CACNB2: variants seen among roughly 807,000 people sequenced by gnomAD.
The protein encoded by CACNB2 is calcium voltage-gated channel auxiliary subunit beta 2.
A neutral mutation model predicts 73.3 loss-of-function variants in CACNB2; 42 were observed. The observed-to-expected ratio is 0.57, with a 90% confidence interval of 0.45 to 0.74. The LOEUF (loss-of-function observed/expected upper bound fraction) is 0.74, where lower values mean the gene tolerates loss of function less well. Ranked by LOEUF, CACNB2 falls within the 30% of genes least tolerant of loss-of-function variation. The pLI is 0.00. For missense variants in CACNB2, 940 were observed against 853.0 expected, an observed-to-expected ratio of 1.10 and a Z score of -1.27; for synonymous variants, 348 against 310.3, an observed-to-expected ratio of 1.12 and a Z score of -1.28.
chr10:18,293,834 A>T (rs920253540), intron 2 of CACNB2, among the ~76,000 whole-genome samples: 3 of 152,210 alleles, frequency 2.0e-5, no homozygotes, highest in Non-Finnish European at 4.4e-5. Context: ...ATTCATGTTA[A>T]TGACTATGAT....
At chr10:18,259,044 A>G (rs2037409668) in intron 2 of CACNB2, among the ~76,000 whole-genome samples, 1 of 152,180 alleles carries the variant, frequency 6.6e-6, no homozygotes. Context: ...CAAATCCACA[A>G]AGGTTTAACT....
At chr10:18,159,994 A>G (rs2032340242) in intron 2 of CACNB2, among the ~76,000 whole-genome samples, 1 of 152,192 alleles carries the variant, frequency 6.6e-6, no homozygotes, top group East Asian at 1.9e-4. Context: ...GTATAAAAAT[A>G]TTGACCTTTT....
At chr10:18,407,109 C>CTTTTTTTTTT (rs71507267) in intron 3 of CACNB2, among the ~76,000 whole-genome samples, 728 of 35,618 alleles carry the variant, frequency 0.02, 236 homozygotes, top group Non-Finnish European at 0.024. Context: ...GCTGTTCTGT[C>CTTTTTTTTTT]TTTTTTTTTT....
intron 2 of CACNB2, among the ~76,000 whole-genome samples, chr10:18,264,621 A>G (rs1184579259): frequency 6.6e-6 from 1 of 152,022 alleles, no homozygotes; most frequent in Non-Finnish European, 1.5e-5. Flanking sequence ...AACAGCATGT[A>G]CTCTCCTCTC....
chr10:18,383,387 G>A (rs892874485), intron 2 of CACNB2, among the ~76,000 whole-genome samples: 1 of 152,220 alleles, frequency 6.6e-6, no homozygotes, highest in Non-Finnish European at 1.5e-5. Context: ...TAAGCAGAGA[G>A]ACTAATTACA....
At chr10:18,230,333 C>G (rs1564362193) in intron 2 of CACNB2, among the ~76,000 whole-genome samples, 1 of 152,202 alleles carries the variant, frequency 6.6e-6, no homozygotes, top group East Asian at 1.9e-4. Flanking sequence ...ACCCTCTCTT[C>G]TACAGAAAAC....
At chr10:18,424,350 T>C (rs763795249) in intron 3 of CACNB2, among the ~76,000 whole-genome samples, 4 of 152,208 alleles carry the variant, frequency 2.6e-5, no homozygotes, top group Non-Finnish European at 5.9e-5. Context: ...GCACTTTCAA[T>C]TGCATGCAGA....
chr10:18,452,302 A>T (rs1416993860), intron 3 of CACNB2, among the ~76,000 whole-genome samples: 1 of 152,050 alleles, frequency 6.6e-6, no homozygotes, highest in African/African-American at 2.4e-5. Flanking sequence ...GTGGGGCATG[A>T]CTATAGTCCT....
At chr10:18,492,770 C>T (rs1380679778) in intron 3 of CACNB2, among the ~76,000 whole-genome samples, 3 of 152,088 alleles carry the variant, frequency 2.0e-5, no homozygotes, top group African/African-American at 4.8e-5. Context: ...TAGTTTGTGT[C>T]GTGCATGTGG....
intron 2 of CACNB2, among the ~76,000 whole-genome samples, chr10:18,315,509 A>AC (rs2040136682): frequency 1.7e-5 from 2 of 119,506 alleles, no homozygotes; most frequent in South Asian, 2.6e-4. Flanking sequence ...TAAAAAAAAA[A>AC]AAAAAAAAAA....
chr10:18,242,586 A>G (rs1475136979), intron 2 of CACNB2, among the ~76,000 whole-genome samples: 3 of 151,626 alleles, frequency 2.0e-5, no homozygotes, highest in African/African-American at 7.2e-5. Flanking sequence ...AAAACATCAC[A>G]TAAACAGTTT....
At chr10:18,215,845 T>G (rs1010342029) in intron 2 of CACNB2, among the ~76,000 whole-genome samples, 2 of 152,092 alleles carry the variant, frequency 1.3e-5, no homozygotes, top group African/African-American at 4.8e-5. Flanking sequence ...TGTGGTCTGG[T>G]TTTTCAGTCT....
chr10:18,365,345 C>T (rs190594190), intron 2 of CACNB2, among the ~76,000 whole-genome samples: 37 of 152,254 alleles, frequency 2.4e-4, no homozygotes, highest in Admixed American at 2.4e-3. Flanking sequence ...TTCTTTAAGG[C>T]CTCTTTTTAA....
At chr10:18,405,214 C>G (rs1049759233) in intron 3 of CACNB2, among the ~76,000 whole-genome samples, 2 of 152,160 alleles carry the variant, frequency 1.3e-5, no homozygotes, top group African/African-American at 4.8e-5. Flanking sequence ...TTAGAGCATT[C>G]TCATTGCCCC....
chr10:18,298,395 A>G (rs17682871), intron 2 of CACNB2, among the ~76,000 whole-genome samples: 20,045 of 151,990 alleles, frequency 0.13, 1,624 homozygotes, highest in South Asian at 0.21. Context: ...TAACCTTGAG[A>G]TCACTATATC....
At chr10:18,152,265 A>T (rs2031624614) in intron 2 of CACNB2, among the ~76,000 whole-genome samples, 1 of 152,190 alleles carries the variant, frequency 6.6e-6, no homozygotes, top group Non-Finnish European at 1.5e-5. Flanking sequence ...CTTCCAAGTA[A>T]CTTGGCAACT....
chr10:18,351,782 G>A (rs920167107), intron 2 of CACNB2, among the ~76,000 whole-genome samples: 2 of 152,180 alleles, frequency 1.3e-5, no homozygotes, highest in Non-Finnish European at 2.9e-5. Context: ...TTCTTTGGTT[G>A]TATTGCTTTC....
At chr10:18,217,550 A>T (rs2035562642) in intron 2 of CACNB2, among the ~76,000 whole-genome samples, 3 of 152,050 alleles carry the variant, frequency 2.0e-5, no homozygotes, top group Admixed American at 6.6e-5. Flanking sequence ...TATAAATGTT[A>T]TAGAAAAAAA....
intron 3 of CACNB2, among the ~76,000 whole-genome samples, chr10:18,466,688 T>C (rs1310677632): frequency 1.3e-5 from 2 of 152,184 alleles, no homozygotes; most frequent in Non-Finnish European, 2.9e-5. Context: ...AGATTCACAC[T>C]TTAATGGGAC....
Sources: gnomAD v4.1 joint callset for allele counts (sites outside exome capture counted in the v4.1 genomes callset) on GRCh38, gnomAD v4.1.1 for gene constraint, MANE v1.5 for transcripts, NCBI Gene and HGNC (gene_info 2026-07-23, HGNC 2026-07-21) for gene names.